Variants in ASIC2 observed in about 807,000 individuals in gnomAD.
The protein encoded by ASIC2 is acid sensing ion channel subunit 2, also known as acid-sensing ion channel 2.
Under a neutral mutation model 57.3 loss-of-function variants are expected in ASIC2, and 25 were observed. The observed-to-expected ratio is 0.44, with a 90% confidence interval of 0.32 to 0.61. The LOEUF is 0.61. ASIC2 is among the 20% of genes least tolerant of loss of function. ASIC2 has a pLI of 0.06. For synonymous variants in ASIC2, 319 were observed against 307.5 expected (o/e 1.04, Z -0.39); for missense variants, 641 against 738.1 (o/e 0.87, Z 1.52).
At chr17:33,593,460 A>G (rs141317629) in intron 1 of ASIC2, among the ~76,000 whole-genome samples, 1 of 152,302 alleles carries the variant, frequency 6.6e-6, no homozygotes, top group East Asian at 1.9e-4. Flanking sequence ...CATCTCTTTC[A>G]GGATCTATTT....
rs75312022 is a variant in ASIC2 at position 34,115,557 on chromosome 17, C to T, written c.555+40421G>A. Among the ~76,000 whole-genome samples the T allele has an allele frequency of 2.5e-3, 379 of 152,308 alleles. 2 individuals are homozygous for T. Among genetic ancestry groups the T allele is most frequent in the African/African-American group, 8.6e-3 (356 of 41,568 alleles). The stretch of plus-strand genomic sequence containing the variant: ...TTAATTGATGGCTTTAATTGTTTTT[C>T]ATTCATTCACTAATCCATTTGTTAA... On this transcript the variant is annotated intron_variant, in intron 1 of 9. Transcript: ENST00000359872.
chr17:33,067,060 G>A (rs549384494), intron 3 of ASIC2, among the ~76,000 whole-genome samples: 61 of 152,166 alleles, frequency 4.0e-4, no homozygotes, highest in Non-Finnish European at 6.0e-4. Context: ...TGGGAACATC[G>A]CAGGCAAAAG....
intron 1 of ASIC2, among the ~76,000 whole-genome samples, chr17:33,799,360 TTCTTTCTTTCTTTCTTCC>T (rs1912016331): frequency 3.1e-5 from 4 of 130,644 alleles, no homozygotes; most frequent in African/African-American, 9.0e-5. Context: ...TTCTCTTTCT[TTCTTTCTTTCTTTCTTCC>T]TTTCTTTCTT....
intron 1 of ASIC2, among the ~76,000 whole-genome samples, chr17:33,513,977 T>C (rs1482230622): frequency 6.6e-6 from 1 of 152,118 alleles, no homozygotes; most frequent in East Asian, 1.9e-4. Flanking sequence ...CATAATCGGA[T>C]CAATGAATAT....
chr17:33,025,890 G>T, intron 5 of ASIC2, 36 bp downstream of exon 5: 4 of 1,559,498 alleles, frequency 2.6e-6, no homozygotes, highest in Non-Finnish European at 3.5e-6. Context: ...TCAGGCCCCC[G>T]GCCCCCATGA....
Position 33,500,886 on chromosome 17 carries a change from G to A in ASIC2, c.556-388819C>T, listed in dbSNP as rs150032407. Among the ~76,000 whole-genome samples the A allele has an allele frequency of 3.3e-5, 5 of 152,350 alleles. No individual in the cohort carries two copies. The East Asian group carries it at 7.7e-4, about 24-fold the overall frequency. ...AAGGGCCTCACCATTCAGCTGGCCT[G>A]GTGTTCCTTGTATGTGAATGTGTTT... is the stretch of plus-strand genomic sequence containing the variant. On this transcript the variant is annotated intron_variant, in intron 1 of 9. Coordinates refer to the ASIC2 transcript ENST00000359872.
intron 1 of ASIC2, among the ~76,000 whole-genome samples, chr17:33,919,692 C>A (rs971378061): frequency 1.3e-5 from 2 of 152,124 alleles, no homozygotes; most frequent in African/African-American, 4.8e-5. Flanking sequence ...TAAACTAAAT[C>A]GCTCTGCACA....
intron 3 of ASIC2, among the ~76,000 whole-genome samples, chr17:33,082,305 A>C (rs2092116028): frequency 6.6e-6 from 1 of 152,190 alleles, no homozygotes; most frequent in Non-Finnish European, 1.5e-5. Context: ...GGTTGAATAA[A>C]TATTTGATGA....
At chr17:33,389,902 A>T (rs992384972) in intron 1 of ASIC2, among the ~76,000 whole-genome samples, 4 of 152,212 alleles carry the variant, frequency 2.6e-5, no homozygotes, top group Non-Finnish European at 4.4e-5. Flanking sequence ...AACACAATAC[A>T]CTTCATCAAG....
At chr17:33,573,848 G>A (rs972443406) in intron 1 of ASIC2, among the ~76,000 whole-genome samples, 9 of 152,186 alleles carry the variant, frequency 5.9e-5, no homozygotes, top group Non-Finnish European at 1.3e-4. Flanking sequence ...TTACTGACAT[G>A]AGCCAACACA....
chr17:33,183,815 A>G (rs944911927), intron 1 of ASIC2, among the ~76,000 whole-genome samples: 3 of 152,176 alleles, frequency 2.0e-5, no homozygotes, highest in African/African-American at 7.2e-5. Flanking sequence ...ATGCTCAATC[A>G]TACTTTGCAC....
At chr17:33,262,644 A>G (rs1037808466) in intron 1 of ASIC2, among the ~76,000 whole-genome samples, 3 of 152,224 alleles carry the variant, frequency 2.0e-5, no homozygotes, top group Non-Finnish European at 4.4e-5. Flanking sequence ...TATGTGTCCA[A>G]TAAGGGACAG....
chr17:33,080,976 C>T (rs1451783603), intron 3 of ASIC2, among the ~76,000 whole-genome samples: 3 of 152,008 alleles, frequency 2.0e-5, no homozygotes, highest in East Asian at 3.9e-4. Flanking sequence ...CATCAGGGAC[C>T]GAGAACTTTT....
intron 1 of ASIC2, among the ~76,000 whole-genome samples, chr17:33,190,959 C>G (rs182008094): frequency 1.8e-4 from 28 of 152,292 alleles, no homozygotes; most frequent in Non-Finnish European, 2.8e-4. Flanking sequence ...AGAACCTACC[C>G]ATTCCACTTG....
chr17:33,032,888 C>A (rs1339699435), intron 3 of ASIC2, among the ~76,000 whole-genome samples: 1 of 152,094 alleles, frequency 6.6e-6, no homozygotes, highest in Non-Finnish European at 1.5e-5. Context: ...CATTTGATAT[C>A]ATTTCCCATC....
At chr17:33,651,432 A>G (rs575989654) in intron 1 of ASIC2, among the ~76,000 whole-genome samples, 1 of 152,338 alleles carries the variant, frequency 6.6e-6, no homozygotes, top group South Asian at 2.1e-4. Context: ...TAAAATTCCA[A>G]CACTGACAGT....
At chr17:33,370,896 A>T (rs1023123665) in intron 1 of ASIC2, among the ~76,000 whole-genome samples, 4 of 152,240 alleles carry the variant, frequency 2.6e-5, no homozygotes, top group African/African-American at 9.6e-5. Flanking sequence ...TCCGCAGTGC[A>T]AAGCGAAAGC....
chr17:33,627,305 C>G (rs950838060), intron 1 of ASIC2: 5 of 152,196 alleles, frequency 3.3e-5, no homozygotes, highest in African/African-American at 1.2e-4. Context: ...TTATAAATGC[C>G]TCTTGATATC....
chr17:33,461,348 T>C (rs749895937), intron 1 of ASIC2, among the ~76,000 whole-genome samples: 1 of 152,222 alleles, frequency 6.6e-6, no homozygotes, highest in Non-Finnish European at 1.5e-5. Flanking sequence ...CCCTTCTCTA[T>C]CCTCTGGTCA....
Sources: allele counts gnomAD v4.1 joint callset (sites outside exome capture counted in the v4.1 genomes callset), GRCh38; gene constraint gnomAD v4.1.1; transcripts MANE v1.5; gene names NCBI Gene and HGNC (gene_info 2026-07-23, HGNC 2026-07-21).